The following GADL1 variants were observed in gnomAD, a reference collection of about 807,000 sequenced individuals.
GADL1 encodes the protein GAD like acidic amino acid decarboxylase 1, also known as acidic amino acid decarboxylase GADL1.
A neutral mutation model predicts 69.5 loss-of-function variants in GADL1; 71 were observed. The ratio of observed to expected loss-of-function variants is 1.02; its 90% CI spans 0.84 to 1.25. GADL1 has a LOEUF of 1.25. Ranked by LOEUF, GADL1 falls within the 50% of genes most tolerant of loss-of-function variation. GADL1 has a pLI of 0.00. For missense variants in GADL1, 737 were observed against 631.8 expected (o/e 1.17, Z -1.79); for synonymous variants, 254 against 214.4 (o/e 1.18, Z -1.62).
chr3:30,876,415 G>A (rs1330911494), intron 1 of GADL1, among the ~76,000 whole-genome samples: 2 of 96,262 alleles, frequency 2.1e-5, no homozygotes, highest in Non-Finnish European at 4.2e-5. Context: ...TATTTCTATG[G>A]TGTAAAGACG....
chr3:30,757,779 T>A (rs1367561257), intron 14 of GADL1, among the ~76,000 whole-genome samples: 1 of 147,236 alleles, frequency 6.8e-6, no homozygotes, highest in Non-Finnish European at 1.5e-5. Context: ...TTTAAACAGT[T>A]CTAGTCCGTA....
At chr3:30,766,257 A>AAAT (rs1696273624) in intron 14 of GADL1, among the ~76,000 whole-genome samples, 1 of 152,180 alleles carries the variant, frequency 6.6e-6, no homozygotes, top group Non-Finnish European at 1.5e-5. Context: ...AGCAGAGAGA[A>AAAT]AATACTAGGA....
intron 1 of GADL1, among the ~76,000 whole-genome samples, chr3:30,890,511 C>A (rs988973361): frequency 1.3e-5 from 2 of 152,192 alleles, no homozygotes; most frequent in African/African-American, 4.8e-5. Flanking sequence ...GTGGTAACTC[C>A]ATTATGCCAG....
At chr3:30,880,839 A>C (rs764865489) in intron 1 of GADL1, among the ~76,000 whole-genome samples, 4 of 151,936 alleles carry the variant, frequency 2.6e-5, no homozygotes, top group Non-Finnish European at 5.9e-5. Context: ...ATTGTACTCA[A>C]ATTGATGAAT....
At chr3:30,768,304 C>T (rs1313197595) in intron 14 of GADL1, among the ~76,000 whole-genome samples, 3 of 151,984 alleles carry the variant, frequency 2.0e-5, no homozygotes, top group African/African-American at 7.3e-5. Flanking sequence ...CCTAAATGCC[C>T]CAAATTGAGA....
intron 3 of GADL1, among the ~76,000 whole-genome samples, chr3:30,855,611 T>A (rs932526011): frequency 6.6e-6 from 1 of 152,076 alleles, no homozygotes; most frequent in Non-Finnish European, 1.5e-5. Context: ...TTTTAATTTT[T>A]TTCCCCCCTC....
chr3:30,843,502 C>T (rs1287969699), intron 8 of GADL1, among the ~76,000 whole-genome samples: 3 of 151,950 alleles, frequency 2.0e-5, no homozygotes, highest in East Asian at 3.9e-4. Flanking sequence ...ATAATCTGCC[C>T]GCCTCAGCCT....
At chr3:30,858,922 C>A (rs989712944) in intron 2 of GADL1, among the ~76,000 whole-genome samples, 8 of 151,824 alleles carry the variant, frequency 5.3e-5, no homozygotes, top group Non-Finnish European at 7.4e-5. Flanking sequence ...TAGGGAGAAT[C>A]CTAAGAGTTT....
At chr3:30,869,963 G>A (rs943791024) in intron 1 of GADL1, among the ~76,000 whole-genome samples, 3 of 151,770 alleles carry the variant, frequency 2.0e-5, no homozygotes, top group Non-Finnish European at 2.9e-5. Flanking sequence ...TTCAGAGAAG[G>A]GTATTGTTTC....
In GADL1 at chr3:30,808,158, G is replaced by A. The variant is rs942698607; in HGVS notation, c.1051-7070C>T. Among the ~76,000 whole-genome samples, 5 of 152,198 alleles carry A rather than the reference G, an allele frequency of 3.3e-5. No individual in the cohort carries two copies. In the South Asian group the frequency reaches 6.2e-4, roughly 19 times the overall value. The stretch of plus-strand genomic sequence containing the variant: ...AAAAGGAGGAGGGGAGGGAAAGAGC[G>A]AGGGAATGGCAGGGCAGAGAGGTGG... On this transcript the variant is annotated intron_variant, in intron 11 of 14. Coordinates refer to ENST00000282538, the MANE Select transcript of GADL1 (RefSeq NM_207359.3).
At chr3:30,794,745 T>A (rs190536503) in intron 12 of GADL1, among the ~76,000 whole-genome samples, 2 of 152,340 alleles carry the variant, frequency 1.3e-5, no homozygotes, top group East Asian at 3.9e-4. Flanking sequence ...ATTGGAATCA[T>A]TGTCCTCCTG....
chr3:30,766,471 G>A (rs1385236042), intron 14 of GADL1, among the ~76,000 whole-genome samples: 2 of 152,172 alleles, frequency 1.3e-5, no homozygotes, highest in Non-Finnish European at 2.9e-5. Context: ...AAATTATGTA[G>A]CCTGTCCCAC....
intron 11 of GADL1, among the ~76,000 whole-genome samples, chr3:30,805,397 GC>G (rs1697231997): frequency 6.6e-6 from 1 of 152,152 alleles, no homozygotes; most frequent in Admixed American, 6.5e-5. Context: ...AAGGAAAATG[GC>G]AGAAGAGAGA....
intron 4 of GADL1, among the ~76,000 whole-genome samples, chr3:30,854,188 C>T (rs1219827070): frequency 6.6e-6 from 1 of 152,174 alleles, no homozygotes; most frequent in Non-Finnish European, 1.5e-5. Flanking sequence ...TCAGTGTCAA[C>T]TGTCATCTTT....
chr3:30,821,333 A>G (rs1697576000), intron 11 of GADL1, among the ~76,000 whole-genome samples: 1 of 149,528 alleles, frequency 6.7e-6, no homozygotes, highest in Non-Finnish European at 1.5e-5. Flanking sequence ...GTATAATAAT[A>G]ATAAAGAAAA....
At chr3:30,807,280 C>G (rs1424895423) in intron 11 of GADL1, among the ~76,000 whole-genome samples, 1 of 152,202 alleles carries the variant, frequency 6.6e-6, no homozygotes, top group Non-Finnish European at 1.5e-5. Flanking sequence ...AACAGAACAT[C>G]AGCTCTAGAC....
intron 11 of GADL1, among the ~76,000 whole-genome samples, chr3:30,820,721 G>A (rs1442813851): frequency 2.0e-5 from 3 of 152,020 alleles, no homozygotes; most frequent in African/African-American, 4.8e-5. Flanking sequence ...TACACTGTTG[G>A]TGGGACTGTA....
At chr3:30,752,147 G>A (rs1452722761) in intron 14 of GADL1, among the ~76,000 whole-genome samples, 2 of 152,026 alleles carry the variant, frequency 1.3e-5, no homozygotes, top group African/African-American at 2.4e-5. Context: ...TCACTGAGAA[G>A]CTTGAGCAGA....
chr3:30,867,423 C>CATATATATATATATAT (rs148660336), intron 1 of GADL1, among the ~76,000 whole-genome samples: 118 of 115,086 alleles, frequency 1.0e-3, no homozygotes, highest in African/African-American at 3.3e-3. Context: ...TACAATACTA[C>CATATATATATATATAT]ATATATATAT....
Sources: gnomAD v4.1 joint callset for allele counts (sites outside exome capture counted in the v4.1 genomes callset) on GRCh38, gnomAD v4.1.1 for gene constraint, MANE v1.5 for transcripts, NCBI Gene and HGNC (gene_info 2026-07-23, HGNC 2026-07-21) for gene names.